TNNI3K: variants seen among roughly 807,000 people sequenced by gnomAD.
The protein encoded by TNNI3K is TNNI3 interacting kinase.
TNNI3K carries 140 observed loss-of-function variants against 114.5 expected under a neutral mutation model. The ratio of observed to expected loss-of-function variants is 1.22; its 90% CI spans 1.07 to 1.41. The LOEUF is 1.41. Among genes scored for constraint, TNNI3K ranks in the 40% most tolerant of loss-of-function variants. The pLI is 0.00. For synonymous variants in TNNI3K, 347 were observed against 347.5 expected (o/e 1.00, Z 0.02); for missense variants, 1,125 against 1,007.6 (o/e 1.12, Z -1.58).
At chr1:74,541,487 T>C (rs1646726147) in intron 24 of TNNI3K, 1 of 152,170 alleles carries the variant, frequency 6.6e-6, no homozygotes, top group Non-Finnish European at 1.5e-5. Context: ...AAGTGTCACA[T>C]CCTCACATTT....
At position 74,240,152 on chromosome 1, in the gene TNNI3K, T is replaced by G. The variant is rs564207711; in HGVS notation, c.149+3942T>G. ...AGGTCTATCTCCCCACTAGTATATG[T>G]GTTCATTAAAGGCAGCTTTTTTTCT... On this transcript the variant is annotated intron_variant, in intron 2 of 24. Transcript: ENST00000326637. The G allele has an allele frequency of 1.9e-5, 4 of 211,016 alleles. No homozygotes were observed. The East Asian group carries it at 4.5e-4, about 24-fold the overall frequency. 13.1% of individuals were successfully genotyped at this position (211,016 alleles called of 1,614,324 possible).
At chr1:74,369,677 C>T in intron 16 of TNNI3K, 92 bp downstream of exon 16, 1 of 1,379,210 alleles carries the variant, frequency 7.3e-7, no homozygotes, top group African/African-American at 1.5e-5. Context: ...TGAGCCTTCA[C>T]CTTTTGAAAT....
At chr1:74,382,813 T>C (rs1663269676) in intron 17 of TNNI3K, among the ~76,000 whole-genome samples, 1 of 152,182 alleles carries the variant, frequency 6.6e-6, no homozygotes, top group Non-Finnish European at 1.5e-5. Context: ...AGAGCGTTGA[T>C]GATGTCTGCC....
At chr1:74,465,919 C>A (rs112852649) in intron 21 of TNNI3K, among the ~76,000 whole-genome samples, 2,088 of 152,218 alleles carry the variant, frequency 0.014, 40 homozygotes, top group African/African-American at 0.048. Flanking sequence ...GCAGGGTGCC[C>A]AAGCCAGCAG....
intron 22 of TNNI3K, among the ~76,000 whole-genome samples, chr1:74,491,419 C>T (rs979357872): frequency 1.3e-5 from 2 of 152,158 alleles, no homozygotes; most frequent in African/African-American, 4.8e-5. Flanking sequence ...GGGGTTTCAC[C>T]ATGTTGACCA....
chr1:74,343,642 A>G (rs925644446), intron 9 of TNNI3K, among the ~76,000 whole-genome samples: 3 of 152,268 alleles, frequency 2.0e-5, no homozygotes, highest in Admixed American at 6.5e-5. Context: ...TAAAACATCC[A>G]TCTGTCAGCC....
chr1:74,412,421 A>T (rs1182792033), intron 17 of TNNI3K, among the ~76,000 whole-genome samples: 1 of 152,148 alleles, frequency 6.6e-6, no homozygotes, highest in Non-Finnish European at 1.5e-5. Context: ...ACTCATTCAT[A>T]GGAATTTGCC....
intron 11 of TNNI3K, among the ~76,000 whole-genome samples, chr1:74,360,512 C>T (rs1282127627): frequency 6.6e-6 from 1 of 152,066 alleles, no homozygotes; most frequent in Non-Finnish European, 1.5e-5. Context: ...ATCAAATCCA[C>T]ATAATAACCC....
intron 4 of TNNI3K, among the ~76,000 whole-genome samples, chr1:74,255,353 C>CAAA (rs10716634): frequency 5.8e-4 from 59 of 101,032 alleles, no homozygotes; most frequent in South Asian, 9.9e-4. Context: ...GACTCCGTCT[C>CAAA]AAAAAAAAAA....
chr1:74,288,822 T>A (rs992545453), intron 5 of TNNI3K, among the ~76,000 whole-genome samples: 1 of 152,104 alleles, frequency 6.6e-6, no homozygotes, highest in African/African-American at 2.4e-5. Context: ...ATTAGGTTGG[T>A]TGTGGTAATC....
At chr1:74,399,104 C>T (rs533328368) in intron 17 of TNNI3K, among the ~76,000 whole-genome samples, 6 of 149,264 alleles carry the variant, frequency 4.0e-5, no homozygotes, top group South Asian at 2.1e-4. Context: ...TGCAGTGAGC[C>T]GCCCAGATCA....
chr1:74,238,174 C>T (rs1232628150), intron 2 of TNNI3K, among the ~76,000 whole-genome samples: 1 of 152,036 alleles, frequency 6.6e-6, no homozygotes, highest in Non-Finnish European at 1.5e-5. Flanking sequence ...ATAATGTCTT[C>T]ACCATATTAT....
At position 74,332,904 on chromosome 1, in the gene TNNI3K, T is replaced by C. The variant is rs1443311890; in HGVS notation, c.543+1356T>C. Reference sequence around the variant, plus strand: ...TATCAAAAGACAAAATTTCTATGTTTCTTTAAAACACTGCCCTTTGACAGT... The same window carrying C: ...TATCAAAAGACAAAATTTCTATGTTCCTTTAAAACACTGCCCTTTGACAGT... On this transcript the variant is annotated intron_variant, in intron 6 of 24. Coordinates refer to ENST00000326637, the MANE Select transcript of TNNI3K (RefSeq NM_015978.3). 5.3e-5 allele frequency among the ~76,000 whole-genome samples: 8 copies of C among 150,102 alleles called. No individual in the cohort carries two copies. The South Asian group carries it at 6.3e-4, about 12-fold the overall frequency.
chr1:74,271,761 T>A, intron 5 of TNNI3K, 53 bp downstream of exon 5: 1 of 1,463,256 alleles, frequency 6.8e-7, no homozygotes, highest in South Asian at 1.3e-5. Context: ...CCTTTTCGGT[T>A]GTTGTTCTTA....
intron 20 of TNNI3K, among the ~76,000 whole-genome samples, chr1:74,447,155 G>A (rs1377037445): frequency 6.6e-6 from 1 of 151,172 alleles, no homozygotes; most frequent in East Asian, 1.9e-4. Flanking sequence ...TCACGATATT[G>A]ATTCTTCCTA....
chr1:74,497,211 G>A (rs1159906714), intron 23 of TNNI3K, among the ~76,000 whole-genome samples: 1 of 152,046 alleles, frequency 6.6e-6, no homozygotes, highest in Non-Finnish European at 1.5e-5. Context: ...ATGTTCCTAG[G>A]AAGAATGAAG....
At chr1:74,458,262 C>CA (rs755338176) in intron 20 of TNNI3K, among the ~76,000 whole-genome samples, 7 of 152,136 alleles carry the variant, frequency 4.6e-5, no homozygotes, top group Non-Finnish European at 8.8e-5. Context: ...TCTCTGTCTT[C>CA]AAAGCCCATG....
At chr1:74,393,361 AT>A (rs1294974186) in intron 17 of TNNI3K, among the ~76,000 whole-genome samples, 1 of 152,160 alleles carries the variant, frequency 6.6e-6, no homozygotes, top group Non-Finnish European at 1.5e-5. Context: ...ATACCATATA[AT>A]TTAAAAAAAA....
At chr1:74,456,689 G>A (rs1472494385) in intron 20 of TNNI3K, among the ~76,000 whole-genome samples, 5 of 152,160 alleles carry the variant, frequency 3.3e-5, no homozygotes, top group Non-Finnish European at 7.3e-5. Context: ...ACGCCAGCTG[G>A]TTCACAAAGA....
Sources: gnomAD v4.1 joint callset for allele counts (sites outside exome capture counted in the v4.1 genomes callset) on GRCh38, gnomAD v4.1.1 for gene constraint, MANE v1.5 for transcripts, NCBI Gene and HGNC (gene_info 2026-07-23, HGNC 2026-07-21) for gene names.